The following TRPM1 variants were observed in gnomAD, a reference collection of about 807,000 sequenced individuals.
TRPM1 encodes transient receptor potential cation channel subfamily M member 1.
TRPM1 carries 113 observed loss-of-function variants against 149.4 expected under a neutral mutation model. The ratio of observed to expected loss-of-function variants is 0.76; its 90% CI spans 0.65 to 0.88. The LOEUF is 0.88. Among genes scored for constraint, TRPM1 ranks in the 40% least tolerant of loss-of-function variants. The pLI is 0.00. For missense variants in TRPM1, 1,976 were observed against 2,038.7 expected (o/e 0.97, Z 0.59); for synonymous variants, 741 against 759.5 (o/e 0.98, Z 0.40).
intron 22 of TRPM1, among the ~76,000 whole-genome samples, chr15:31,032,309 T>C (rs1171321766): frequency 6.6e-6 from 1 of 151,996 alleles, no homozygotes; most frequent in Non-Finnish European, 1.5e-5. Context: ...ACAAACGTAA[T>C]TAGTCACCCT....
At chr15:31,059,599 G>A (rs150980716) in intron 11 of TRPM1, among the ~76,000 whole-genome samples, 3 of 152,134 alleles carry the variant, frequency 2.0e-5, no homozygotes, top group Admixed American at 2.0e-4. Flanking sequence ...TAGAGATGGT[G>A]TCTCACTATG....
chr15:31,089,507 G>T (rs971973589), intron 1 of TRPM1, among the ~76,000 whole-genome samples: 1 of 152,240 alleles, frequency 6.6e-6, no homozygotes, highest in Non-Finnish European at 1.5e-5. Flanking sequence ...CACTGGGGAG[G>T]CCTGTGTGCA....
At chr15:31,156,364 G>A (rs1346010788) in intron 1 of TRPM1, among the ~76,000 whole-genome samples, 3 of 152,000 alleles carry the variant, frequency 2.0e-5, no homozygotes, top group African/African-American at 7.3e-5. Flanking sequence ...TCCCACTGCT[G>A]AAGAGATTAG....
intron 1 of TRPM1, among the ~76,000 whole-genome samples, chr15:31,123,497 C>T (rs1374530998): frequency 6.6e-6 from 1 of 151,782 alleles, no homozygotes. Flanking sequence ...AACAAATAGC[C>T]CAATTAAAAA....
chr15:31,136,768 A>G (rs1183897994), intron 1 of TRPM1, among the ~76,000 whole-genome samples: 1 of 88,668 alleles, frequency 1.1e-5, no homozygotes, highest in Non-Finnish European at 2.3e-5. Context: ...TTTTTTGCCT[A>G]TAAAGCCAAC....
intron 27 of TRPM1, among the ~76,000 whole-genome samples, chr15:31,022,513 C>G (rs2032583968): frequency 6.6e-6 from 1 of 152,172 alleles, no homozygotes; most frequent in African/African-American, 2.4e-5. Context: ...TCTTATCCCA[C>G]CAGCCCTCAT....
At chr15:31,096,182 G>C (rs552202930) in intron 1 of TRPM1, among the ~76,000 whole-genome samples, 16 of 152,210 alleles carry the variant, frequency 1.1e-4, no homozygotes, top group Admixed American at 5.9e-4. Context: ...GAGAAAGAAA[G>C]AGCAAAGGCA....
rs538427893 is a variant in TRPM1 at position 31,037,313 on chromosome 15, C to G, written c.2571+398G>C. ...AGTTTACCATCTGGATTTAGCCATG[C>G]CCTTGTAATGACCCCACCAATTTCA... On this transcript the variant is annotated intron_variant, in intron 20 of 27. Transcript: ENST00000256552. Among the ~76,000 whole-genome samples, 3 of 152,320 alleles carry G rather than the reference C, an allele frequency of 2.0e-5. No homozygotes were observed. The South Asian group carries it at 6.2e-4, about 32-fold the overall frequency.
chr15:31,077,306 T>A (rs2034723697), intron 2 of TRPM1, among the ~76,000 whole-genome samples: 1 of 152,188 alleles, frequency 6.6e-6, no homozygotes, highest in Non-Finnish European at 1.5e-5. Flanking sequence ...TTGTTTACCA[T>A]CTGGAAATGG....
At chr15:31,026,789 A>G (rs2032781703) in intron 26 of TRPM1, 126 bp downstream of exon 26, 1 of 962,210 alleles carries the variant, frequency 1.0e-6, no homozygotes, top group East Asian at 2.5e-5. Context: ...TGAAAAGAAC[A>G]GCAGTTGGAC....
intron 7 of TRPM1, chr15:31,065,214 C>T (rs950844403): frequency 2.2e-5 from 11 of 497,980 alleles, no homozygotes; most frequent in Non-Finnish European, 4.1e-5. Flanking sequence ...CAGTCATCGA[C>T]CAATGTATTC....
intron 21 of TRPM1, among the ~76,000 whole-genome samples, chr15:31,035,142 T>C (rs1203216006): frequency 2.0e-5 from 3 of 152,196 alleles, no homozygotes; most frequent in Non-Finnish European, 2.9e-5. Context: ...GTAGCCGAAA[T>C]TACAGGCAAC....
At chr15:31,056,459 A>G (rs1409476724) in intron 11 of TRPM1, among the ~76,000 whole-genome samples, 2 of 152,244 alleles carry the variant, frequency 1.3e-5, no homozygotes, top group African/African-American at 2.4e-5. Flanking sequence ...AAGAGCAGAG[A>G]GAAAACAATG....
At chr15:31,054,485 G>C (rs895953201) in intron 11 of TRPM1, among the ~76,000 whole-genome samples, 5 of 152,016 alleles carry the variant, frequency 3.3e-5, no homozygotes, top group Non-Finnish European at 5.9e-5. Flanking sequence ...AGTAGAGACG[G>C]GGTTTCACCA....
At chr15:31,116,665 G>C (rs971994956) in intron 1 of TRPM1, among the ~76,000 whole-genome samples, 1 of 151,302 alleles carries the variant, frequency 6.6e-6, no homozygotes, top group Non-Finnish European at 1.5e-5. Flanking sequence ...CACCTTACCG[G>C]CATCACCAGA....
intron 1 of TRPM1, among the ~76,000 whole-genome samples, chr15:31,088,513 T>G (rs1026906990): frequency 6.6e-6 from 1 of 152,144 alleles, no homozygotes; most frequent in Admixed American, 6.5e-5. Flanking sequence ...GACGAGCAAC[T>G]CTGGATGCGC....
At chr15:31,137,008 G>A (rs1056882095) in intron 1 of TRPM1, among the ~76,000 whole-genome samples, 4 of 152,106 alleles carry the variant, frequency 2.6e-5, no homozygotes, top group African/African-American at 9.7e-5. Context: ...TTTTGGGGAG[G>A]TCCCTGTCTT....
At chr15:31,038,766 G>C (rs983274897) in intron 18 of TRPM1, among the ~76,000 whole-genome samples, 1 of 151,862 alleles carries the variant, frequency 6.6e-6, no homozygotes, top group African/African-American at 2.4e-5. Flanking sequence ...TTTCGAGGAA[G>C]GCAAATCTTT....
rs950442734 is a variant in TRPM1 at position 31,037,849 on chromosome 15, A to T, written c.2440-7T>A. 1.9e-6 allele frequency: 3 copies of T among 1,614,024 alleles called. No homozygotes were observed. The highest frequency in any genetic ancestry group is 2.5e-6 in the Non-Finnish European group (3 of 1,180,004). The stretch of plus-strand genomic sequence containing the variant: ...CAGCATCTGCATTTGCATCCTGGAA[A>T]ACAGAGCACAGCACATGACAGGCAG... On this transcript the variant is annotated splice_region_variant and splice_polypyrimidine_tract_variant and intron_variant, in intron 19 of 27. Transcript: ENST00000256552.
Sources: gnomAD v4.1 joint callset for allele counts (sites outside exome capture counted in the v4.1 genomes callset) on GRCh38, gnomAD v4.1.1 for gene constraint, MANE v1.5 for transcripts, NCBI Gene and HGNC (gene_info 2026-07-23, HGNC 2026-07-21) for gene names.